IGF2BP2: variants seen among roughly 807,000 people sequenced by gnomAD.
IGF2BP2 encodes insulin like growth factor 2 mRNA binding protein 2, also known as insulin-like growth factor 2 mRNA-binding protein 2.
Under a neutral mutation model 75.8 loss-of-function variants are expected in IGF2BP2, and 17 were observed. The ratio of observed to expected loss-of-function variants is 0.22; its 90% confidence interval spans 0.15 to 0.34. The LOEUF is 0.34. IGF2BP2 is among the 10% of genes least tolerant of loss of function. The probability of loss-of-function intolerance (pLI) is 1.00; values close to 1 mark genes in which losing one functional copy is unlikely to be tolerated. For missense variants in IGF2BP2, 516 were observed against 772.4 expected, an observed-to-expected ratio of 0.67 and a Z score of 3.93; for synonymous variants, 288 against 295.6, an observed-to-expected ratio of 0.97 and a Z score of 0.26.
At chr3:185,656,094 G>A (rs1307636551) in intron 12 of IGF2BP2, among the ~76,000 whole-genome samples, 6 of 152,260 alleles carry the variant, frequency 3.9e-5, no homozygotes, top group African/African-American at 7.2e-5. Context: ...TAGTTGAAAC[G>A]GTCCTTTCTC....
chr3:185,702,323 AG>A (rs1259789742), intron 2 of IGF2BP2, among the ~76,000 whole-genome samples: 1 of 152,052 alleles, frequency 6.6e-6, no homozygotes, highest in African/African-American at 2.4e-5. Context: ...TCAACAGGAG[AG>A]GGAAGGAGGT....
intron 2 of IGF2BP2, among the ~76,000 whole-genome samples, chr3:185,792,901 A>G (rs189856763): frequency 1.3e-5 from 2 of 152,160 alleles, no homozygotes; most frequent in East Asian, 3.9e-4. Flanking sequence ...CCCACACCAC[A>G]CAAGACCCTC....
At chr3:185,766,233 A>G (rs1293538761) in intron 2 of IGF2BP2, among the ~76,000 whole-genome samples, 1 of 152,256 alleles carries the variant, frequency 6.6e-6, no homozygotes, top group African/African-American at 2.4e-5. Context: ...TTTAGACAAT[A>G]TCATCAAAGC....
intron 2 of IGF2BP2, among the ~76,000 whole-genome samples, chr3:185,726,191 G>T (rs1727304078): frequency 6.6e-6 from 1 of 152,134 alleles, no homozygotes; most frequent in Non-Finnish European, 1.5e-5. Flanking sequence ...CTACAGAGAG[G>T]TGAAAGAGAA....
chr3:185,788,589 T>G (rs1416744328), intron 2 of IGF2BP2, among the ~76,000 whole-genome samples: 1 of 152,142 alleles, frequency 6.6e-6, no homozygotes, highest in Non-Finnish European at 1.5e-5. Context: ...CAGTCAACCA[T>G]AGTTTTTGAG....
At chr3:185,689,764 C>G (rs1431270730) in intron 5 of IGF2BP2, 137 bp from the exon 6 acceptor site, 1 of 903,558 alleles carries the variant, frequency 1.1e-6, no homozygotes, top group Non-Finnish European at 1.7e-6. Flanking sequence ...GTCAGGAGAT[C>G]GAGACCATCC....
chr3:185,665,568 G>A (rs1469321028), intron 10 of IGF2BP2, among the ~76,000 whole-genome samples: 2 of 148,528 alleles, frequency 1.3e-5, no homozygotes, highest in African/African-American at 5.0e-5. Flanking sequence ...AGAAGGAGAA[G>A]GAGAAGAAGG....
At chr3:185,699,327 T>C (rs1424545769) in intron 2 of IGF2BP2, among the ~76,000 whole-genome samples, 1 of 152,196 alleles carries the variant, frequency 6.6e-6, no homozygotes. Context: ...TATATTGGCC[T>C]GCAACTGACC....
intron 2 of IGF2BP2, among the ~76,000 whole-genome samples, chr3:185,760,551 A>G (rs1224979294): frequency 6.6e-6 from 1 of 152,182 alleles, no homozygotes; most frequent in African/African-American, 2.4e-5. Flanking sequence ...CTCCCTCACC[A>G]GCCTCGCCCC....
chr3:185,755,602 C>T (rs967311890), intron 2 of IGF2BP2, among the ~76,000 whole-genome samples: 2 of 152,192 alleles, frequency 1.3e-5, no homozygotes, highest in Admixed American at 6.5e-5. Context: ...AGGGAAGCCA[C>T]GAGGGCAGGG....
At chr3:185,676,811 A>AAATATATATATATTTACTG (rs1213576147) in intron 7 of IGF2BP2, among the ~76,000 whole-genome samples, 8 of 144,364 alleles carry the variant, frequency 5.5e-5, no homozygotes, top group Middle Eastern at 3.6e-3. Context: ...TATTTACTGG[A>AAATATATATATATTTACTG]GATATATATA....
chr3:185,747,336 C>T (rs1183756007), intron 2 of IGF2BP2, among the ~76,000 whole-genome samples: 2 of 152,104 alleles, frequency 1.3e-5, no homozygotes, highest in East Asian at 1.9e-4. Flanking sequence ...CAACCCTGGA[C>T]TTTAAAGTCT....
At chr3:185,816,320 C>G (rs1327833466) in intron 2 of IGF2BP2, among the ~76,000 whole-genome samples, 5 of 152,216 alleles carry the variant, frequency 3.3e-5, no homozygotes, top group Admixed American at 2.0e-4. Context: ...CCACTTCTGT[C>G]TGTGGGCAAG....
At chr3:185,658,626 G>A (rs1379732237) in intron 10 of IGF2BP2, among the ~76,000 whole-genome samples, 2 of 152,202 alleles carry the variant, frequency 1.3e-5, no homozygotes, top group African/African-American at 2.4e-5. Flanking sequence ...GGTTGCAGTA[G>A]CTCTCTGGGC....
chr3:185,721,671 ATCAGT>A (rs1726569437), intron 2 of IGF2BP2, among the ~76,000 whole-genome samples: 1 of 152,204 alleles, frequency 6.6e-6, no homozygotes, highest in Non-Finnish European at 1.5e-5. Flanking sequence ...AACACTGTTT[ATCAGT>A]CTAAGCCTCA....
chr3:185,700,284 A>C (rs1197848526), intron 2 of IGF2BP2, among the ~76,000 whole-genome samples: 1 of 152,216 alleles, frequency 6.6e-6, no homozygotes, highest in African/African-American at 2.4e-5. Context: ...TAGTTTTCTC[A>C]GCTCCTTTTT....
intron 2 of IGF2BP2, among the ~76,000 whole-genome samples, chr3:185,723,875 G>A (rs1401145970): frequency 6.6e-6 from 1 of 152,206 alleles, no homozygotes; most frequent in African/African-American, 2.4e-5. Context: ...AAGTAAAGAA[G>A]AGGACAAAAG....
At chr3:185,793,957 CTTTTTT>C (rs576340143) in intron 2 of IGF2BP2, among the ~76,000 whole-genome samples, 1 of 125,500 alleles carries the variant, frequency 8.0e-6, no homozygotes, top group Non-Finnish European at 1.6e-5. Flanking sequence ...AAGCAGATTC[CTTTTTT>C]TTTTTTTTTT....
intron 7 of IGF2BP2, among the ~76,000 whole-genome samples, chr3:185,682,553 A>C (rs1309233040): frequency 1.3e-5 from 2 of 152,238 alleles, no homozygotes; most frequent in African/African-American, 2.4e-5. Context: ...TTAATGATCA[A>C]GAATACATAA....
Sources: gnomAD v4.1 joint callset for allele counts (sites outside exome capture counted in the v4.1 genomes callset) on GRCh38, gnomAD v4.1.1 for gene constraint, MANE v1.5 for transcripts, NCBI Gene and HGNC (gene_info 2026-07-23, HGNC 2026-07-21) for gene names.